PCNX2: variants seen among roughly 807,000 people sequenced by gnomAD.
The protein encoded by PCNX2 is pecanex-like protein 2.
In PCNX2, 168 loss-of-function variants were observed where a neutral mutation model predicts 223.8. That is an observed-to-expected ratio of 0.75 (90% CI 0.66 to 0.85). The LOEUF is 0.85. Among genes scored for constraint, PCNX2 ranks in the 40% least tolerant of loss-of-function variants. PCNX2 has a pLI of 0.00. For missense variants in PCNX2, 2,507 were observed against 2,675.5 expected (o/e 0.94, Z 1.39); for synonymous variants, 1,006 against 1,052.6 (o/e 0.96, Z 0.86).
intron 32 of PCNX2, among the ~76,000 whole-genome samples, chr1:232,992,312 C>A (rs1669730215): frequency 6.6e-6 from 1 of 152,184 alleles, no homozygotes; most frequent in Non-Finnish European, 1.5e-5. Flanking sequence ...AGTAAAGGAG[C>A]CCCTGCTGGC....
At chr1:233,160,152 G>A in intron 19 of PCNX2, 131 bp downstream of exon 19, 1 of 965,078 alleles carries the variant, frequency 1.0e-6, no homozygotes, top group Non-Finnish European at 1.5e-6. Flanking sequence ...TACACATAAT[G>A]TACCATCTGC....
At chr1:233,071,109 T>G (rs962778240) in intron 23 of PCNX2, among the ~76,000 whole-genome samples, 1 of 152,144 alleles carries the variant, frequency 6.6e-6, no homozygotes, top group Non-Finnish European at 1.5e-5. Context: ...TTGAATTACT[T>G]CCCCATAAGA....
chr1:233,097,388 T>C (rs544085008), intron 21 of PCNX2, among the ~76,000 whole-genome samples: 4 of 151,466 alleles, frequency 2.6e-5, no homozygotes, highest in Non-Finnish European at 5.9e-5. Flanking sequence ...AACTAGATGA[T>C]GTGATCAGGC....
At chr1:233,089,944 C>A in intron 23 of PCNX2, 117 bp downstream of exon 23, 2 of 1,524,688 alleles carry the variant, frequency 1.3e-6, no homozygotes, top group South Asian at 1.3e-5. Flanking sequence ...CAGGTTTGGC[C>A]TGGCCCCACA....
At chr1:233,247,746 C>T (rs201611765) in intron 8 of PCNX2, among the ~76,000 whole-genome samples, 15 of 151,942 alleles carry the variant, frequency 9.9e-5, no homozygotes, top group Non-Finnish European at 1.8e-4. Flanking sequence ...GGCGTGGGGG[C>T]GGGCACCTGT....
chr1:233,041,593 T>C (rs1441327952), intron 25 of PCNX2, among the ~76,000 whole-genome samples: 2 of 152,170 alleles, frequency 1.3e-5, no homozygotes, highest in African/African-American at 4.8e-5. Context: ...ATAAATAAAA[T>C]TCAGTGCACA....
intron 1 of PCNX2, among the ~76,000 whole-genome samples, chr1:233,286,518 T>C (rs1181303424): frequency 6.6e-6 from 1 of 152,168 alleles, no homozygotes; most frequent in Non-Finnish European, 1.5e-5. Flanking sequence ...ATGGACTATG[T>C]ACGCGAGAAT....
At chr1:233,064,332 G>A (rs899397158) in intron 23 of PCNX2, among the ~76,000 whole-genome samples, 3 of 152,112 alleles carry the variant, frequency 2.0e-5, no homozygotes, top group Admixed American at 1.3e-4. Context: ...GGGTAGTATC[G>A]TTTTGAACTC....
chr1:233,224,086 C>T (rs1016431593), intron 10 of PCNX2, among the ~76,000 whole-genome samples: 2 of 152,142 alleles, frequency 1.3e-5, no homozygotes, highest in East Asian at 3.9e-4. Context: ...TCACTCCATA[C>T]CCAGTGCCCA....
At chr1:233,272,668 C>T (rs1400072102) in intron 1 of PCNX2, among the ~76,000 whole-genome samples, 1 of 152,112 alleles carries the variant, frequency 6.6e-6, no homozygotes, top group African/African-American at 2.4e-5. Flanking sequence ...AAAAGAAATC[C>T]TTATATGAAA....
At chr1:233,286,358 G>T (rs1356477180) in intron 1 of PCNX2, among the ~76,000 whole-genome samples, 2 of 152,040 alleles carry the variant, frequency 1.3e-5, no homozygotes, top group Non-Finnish European at 2.9e-5. Flanking sequence ...TACCATTTGG[G>T]TTGGGGTAGA....
intron 23 of PCNX2, among the ~76,000 whole-genome samples, chr1:233,078,683 G>A (rs1243799789): frequency 1.3e-5 from 2 of 152,164 alleles, no homozygotes; most frequent in African/African-American, 2.4e-5. Context: ...CACGTTCAAC[G>A]CTTCCCTGCA....
intron 23 of PCNX2, among the ~76,000 whole-genome samples, chr1:233,086,747 C>T (rs1295902001): frequency 6.6e-6 from 1 of 152,090 alleles, no homozygotes; most frequent in African/African-American, 2.4e-5. Flanking sequence ...ATTTCAAGTG[C>T]TTGGTAGCCC....
chr1:233,276,756 T>C (rs961857867), intron 1 of PCNX2, among the ~76,000 whole-genome samples: 3 of 152,204 alleles, frequency 2.0e-5, no homozygotes, highest in African/African-American at 7.2e-5. Context: ...AGCTGGATCC[T>C]AAAGATGATC....
At chr1:233,079,214 T>C (rs1293722450) in intron 23 of PCNX2, among the ~76,000 whole-genome samples, 1 of 152,142 alleles carries the variant, frequency 6.6e-6, no homozygotes, top group East Asian at 1.9e-4. Flanking sequence ...GGTATGCTTT[T>C]GCGCCATCAC....
At chr1:233,097,549 C>G (rs1025118439) in intron 21 of PCNX2, among the ~76,000 whole-genome samples, 8 of 152,144 alleles carry the variant, frequency 5.3e-5, no homozygotes, top group African/African-American at 1.9e-4. Context: ...AGAAAGGCCA[C>G]TTTTGTTTTA....
At chr1:233,088,321 CT>C (rs773591194) in intron 23 of PCNX2, among the ~76,000 whole-genome samples, 11 of 152,124 alleles carry the variant, frequency 7.2e-5, no homozygotes, top group Non-Finnish European at 1.2e-4. Flanking sequence ...ATCTTTTGTA[CT>C]GAGGACCAAG....
At chr1:233,298,832 G>C (rs1024406619), upstream of PCNX2, among the ~76,000 whole-genome samples, 1 of 152,008 alleles carries the variant, frequency 6.6e-6, no homozygotes, top group African/African-American at 2.4e-5. Context: ...CAGTGAGCCA[G>C]GATCATGCCA....
At chr1:233,151,760 C>T (rs913836216) in intron 19 of PCNX2, among the ~76,000 whole-genome samples, 6 of 152,152 alleles carry the variant, frequency 3.9e-5, no homozygotes, top group East Asian at 1.9e-4. Context: ...CTGCAACCTC[C>T]ACCTCCTGGG....
Sources: allele counts gnomAD v4.1 joint callset (sites outside exome capture counted in the v4.1 genomes callset), GRCh38; gene constraint gnomAD v4.1.1; transcripts MANE v1.5; gene names NCBI Gene and HGNC (gene_info 2026-07-23, HGNC 2026-07-21).